Variants in FEZF1 observed in about 807,000 individuals in gnomAD.
FEZF1 encodes the protein fez family zinc finger protein 1.
Under a neutral mutation model 32.4 loss-of-function variants are expected in FEZF1, and 8 were observed. That is an observed-to-expected ratio of 0.25 (90% confidence interval 0.15 to 0.45). FEZF1 has a LOEUF of 0.45. Ranked by LOEUF, FEZF1 falls within the 20% of genes least tolerant of loss-of-function variation. FEZF1 has a pLI of 1.00. For synonymous variants in FEZF1, 259 were observed against 265.2 expected (o/e 0.98, Z 0.23); for missense variants, 546 against 622.3 (o/e 0.88, Z 1.31).
intron 2 of FEZF1, 28 bp downstream of exon 2, chr7:122,303,149 T>C (rs1388524447): frequency 6.2e-7 from 1 of 1,613,642 alleles, no homozygotes; most frequent in African/African-American, 1.3e-5. Flanking sequence ...GGAAGCAAAC[T>C]AGGTGAAATT....
At position 122,301,701 on chromosome 7, in the gene FEZF1, A is replaced by T; in HGVS notation, c.*296T>A. On this transcript the variant is annotated 3_prime_UTR_variant, in exon 4 of 4. Transcript: ENST00000442488. ...AAAACAAAATAAACACCATCTCTCCACCCAAGATGAAAAGTCTTTCCAAAT... is the reference window on the plus strand; with the variant it reads ...AAAACAAAATAAACACCATCTCTCCTCCCAAGATGAAAAGTCTTTCCAAAT... The T allele has an allele frequency of 2.8e-6, 1 of 360,510 alleles. No homozygotes were observed. Among genetic ancestry groups the T allele is most frequent in the Non-Finnish European group, 4.9e-6 (1 of 204,706 alleles). The allele number at this position is 360,510 out of a possible 1,614,324, so 22.3% of individuals were successfully genotyped here. A position where few individuals can be genotyped will look rare whatever the true frequency, so the allele number is the denominator to read the frequency against.
In FEZF1 at chr7:122,304,443, A is replaced by C; in HGVS notation, c.-6T>G. ...TTGTGGCAGCTACTGTCCATGTCTG[A>C]GTCGCCAGCGTCCGTCAGCCGGGGC... On this transcript the variant is annotated 5_prime_UTR_variant, in exon 1 of 4. Transcript: ENST00000442488. The C allele has an allele frequency of 2.6e-6, 4 of 1,523,966 alleles. No homozygotes were observed. The highest frequency in any genetic ancestry group is 2.3e-5 in the East Asian group (1 of 42,756). The allele number at this position is 1,523,966 out of a possible 1,614,324, so 94.4% of individuals were successfully genotyped here. A position where few individuals can be genotyped will look rare whatever the true frequency, so the allele number is the denominator to read the frequency against.
rs778154305 is a variant in FEZF1, at chr7:122,302,918, T to A, written c.950A>T (p.Lys317Ile). ...AAATGCTTTGCCACACTGGTTACATTTGTGAGGTTTTTCCTAAGCAGGAGA... is the reference window on the plus strand; with the variant it reads ...AAATGCTTTGCCACACTGGTTACATATGTGAGGTTTTTCCTAAGCAGGAGA... Reference protein sequence around the residue: ...KIIHTQEKPHKCNQCGKAFNR... With the variant: ...KIIHTQEKPHICNQCGKAFNR... The change falls in exon 3 of 4, where the codon AAA (lysine) becomes ATA (isoleucine). Residue 317 changes from lysine (K) to isoleucine (I), a missense_variant. Lys to Ile is a moderately radical substitution (Grantham distance 102, BLOSUM62 -3). Around this residue, in one of 3 missense-constraint regions of FEZF1, gnomAD observed 118 missense variants for 188.7 expected, o/e 0.63. Transcript: ENST00000442488. The surrounding 1 kb of genome is among the most constrained non-coding windows in gnomAD (Gnocchi z 4.4). 26 of 1,608,884 alleles carry A rather than the reference T, an allele frequency of 1.6e-5. No homozygotes were observed. Among genetic ancestry groups the A allele is most frequent in the Non-Finnish European group, 2.2e-5 (26 of 1,177,568 alleles).
In FEZF1 at chr7:122,304,035, C is replaced by T. The variant is rs1285163919; in HGVS notation, c.403G>A (p.Ala135Thr). ...AGCTTGTACTGCTGCAGCGGCAGCG[C>T]GTCGCGGGCCAGGTCGCCCTTGAGA... ...LSLKGDLARD[A>T]LPLQQYKLVR... The change falls in exon 1 of 4, where the codon GCG becomes ACG. Residue 135 changes from alanine (A) to threonine (T), a missense_variant. By Grantham distance (58) the Ala-to-Thr change is moderately conservative. Around this residue, in one of 3 missense-constraint regions of FEZF1, gnomAD observed 345 missense variants for 360.6 expected, o/e 0.96. Transcript: ENST00000442488. The T allele has an allele frequency of 6.4e-7, 1 of 1,559,374 alleles. No individual in the cohort carries two copies. Among genetic ancestry groups the T allele is most frequent in the Non-Finnish European group, 8.7e-7 (1 of 1,153,960 alleles).
chr7:122,304,548 GCCTCCT>G lies in FEZF1; in HGVS notation c.-117_-112del, dbSNP rs1025876205. The G allele has an allele frequency of 1.8e-5, 15 of 846,910 alleles. No individual in the cohort carries two copies. The highest frequency in any genetic ancestry group is 2.5e-5 in the South Asian group (1 of 40,362). 52.5% of individuals were successfully genotyped at this position (846,910 alleles called of 1,614,324 possible). On this transcript the variant is annotated 5_prime_UTR_variant, in exon 1 of 4. Transcript: ENST00000442488. ...GGGACGGGCACCATCACCACCAGTA[GCCTCCT>G]CCTCCTCCTCCTCCCCAGCATCACC...
At position 122,304,145 on chromosome 7, in the gene FEZF1, G is replaced by C. The variant is rs1000106128; in HGVS notation, c.293C>G (p.Ala98Gly). Residue 98 changes from alanine (A) to glycine (G), a missense_variant, in exon 1 of 4, where the codon GCC becomes GGC. By Grantham distance (60) the Ala-to-Gly change is moderately conservative (BLOSUM62 0). Coordinates refer to ENST00000442488, the MANE Select transcript of FEZF1 (RefSeq NM_001024613.4). Reference protein sequence around the residue: ...AGVTGSEPRKASLEAPAAPAA... With the variant: ...AGVTGSEPRKGSLEAPAAPAA... ...GGGCGCCGCCGGGGCCTCCAGACTG[G>C]CCTTCCGCGGCTCGGAGCCCGTCAC... 1 of 1,602,710 alleles carries C rather than the reference G, an allele frequency of 6.2e-7. No individual in the cohort carries two copies. The highest frequency in any genetic ancestry group is 8.5e-7 in the Non-Finnish European group (1 of 1,173,322).
chr7:122,304,127 G>T lies in FEZF1; in HGVS notation c.311C>A (p.Ala104Glu), dbSNP rs1477599040. 3 of 1,598,536 alleles carry T rather than the reference G, an allele frequency of 1.9e-6. No individual in the cohort carries two copies. Among genetic ancestry groups the T allele is most frequent in the African/African-American group, 1.3e-5 (1 of 74,700 alleles). ...AGCCGAGGGCACCGCCGCGGGCGCC[G>T]CCGGGGCCTCCAGACTGGCCTTCCG... ...EPRKASLEAP[A>E]APAAVPSAPA... Residue 104 changes from alanine (A) to glutamate (E), a missense_variant, in exon 1 of 4, where the codon GCG becomes GAG. Coordinates refer to ENST00000442488, the MANE Select transcript of FEZF1 (RefSeq NM_001024613.4).
Position 122,302,106 on chromosome 7 carries a change from T to G in FEZF1, c.1319A>C (p.Glu440Ala). 1 of 1,612,924 alleles carries G rather than the reference T, an allele frequency of 6.2e-7. No homozygotes were observed. The highest frequency in any genetic ancestry group is 8.5e-7 in the Non-Finnish European group (1 of 1,179,730). The change falls in exon 4 of 4, where the codon GAA (glutamate) becomes GCA (alanine). Residue 440 changes from glutamate (E) to alanine (A), a missense_variant. By Grantham distance (107) the Glu-to-Ala change is moderately radical. Coordinates refer to ENST00000442488, the MANE Select transcript of FEZF1 (RefSeq NM_001024613.4). This position sits in a 1 kb window ranked among gnomAD's most constrained non-coding sequence, Gnocchi z 4.4. ...CTGCTGCGGTAGCGGGGGCGGCGGT[T>G]CAGTGCCTGGTTCGCCAGCTGGCGT... is the stretch of plus-strand genomic sequence containing the variant. ...ARTPAGEPGTEPPPPLPQQPP... is the reference protein window; with the variant it reads ...ARTPAGEPGTAPPPPLPQQPP...
upstream of FEZF1, among the ~76,000 whole-genome samples, chr7:122,307,707 A>T (rs551156525): frequency 5.2e-5 from 8 of 152,388 alleles, no homozygotes; most frequent in Admixed American, 1.3e-4. Context: ...GTGTTTGAAA[A>T]TGTCATTTGA....
rs777111886 is a variant in FEZF1 at position 122,301,951 on chromosome 7, C to T, written c.*46G>A. The T allele has an allele frequency of 7.8e-6, 12 of 1,541,978 alleles. No individual in the cohort carries two copies. The highest frequency in any genetic ancestry group is 1.4e-5 in the African/African-American group (1 of 71,846). On this transcript the variant is annotated 3_prime_UTR_variant, in exon 4 of 4. Transcript: ENST00000442488. ...ACCAGGAGCTCTAGTCTGCCGCTGCCTCAGCGTGGGGGCACGGCTGAGGCT... is the reference window on the plus strand; with the variant it reads ...ACCAGGAGCTCTAGTCTGCCGCTGCTTCAGCGTGGGGGCACGGCTGAGGCT...
upstream of FEZF1, chr7:122,308,634 T>C (rs1563045328): frequency 2.0e-5 from 3 of 152,204 alleles, no homozygotes; most frequent in Non-Finnish European, 4.4e-5. Context: ...TGTCACAAAA[T>C]ACTATTGATT....
chr7:122,307,679 G>A (rs2031322456), upstream of FEZF1, among the ~76,000 whole-genome samples: 2 of 152,242 alleles, frequency 1.3e-5, no homozygotes, highest in South Asian at 4.1e-4. Flanking sequence ...GTCTTTTCAG[G>A]ATTTGCCCTT....
rs1304844200 is a variant in FEZF1 at position 122,301,456 on chromosome 7, A to G, written c.*541T>C. ...GTGTGTGCTCACGAATGTGGAATGT[A>G]CCCCTATGGGCGCACACATCTATGC... On this transcript the variant is annotated 3_prime_UTR_variant, in exon 4 of 4. Coordinates refer to ENST00000442488, the MANE Select transcript of FEZF1 (RefSeq NM_001024613.4). The G allele has an allele frequency of 6.6e-6, 1 of 152,404 alleles. No homozygotes were observed. Among genetic ancestry groups the G allele is most frequent in the Non-Finnish European group, 1.5e-5 (1 of 68,170 alleles). The allele number at this position is 152,404 out of a possible 1,614,324, so 9.4% of individuals were successfully genotyped here.
In FEZF1 at chr7:122,304,496, C is replaced by A; in HGVS notation, c.-59G>T. On this transcript the variant is annotated 5_prime_UTR_variant, in exon 1 of 4. Transcript: ENST00000442488. ...GGTTGCGCCGTCCGTTGCCTTGTTC[C>A]CTGCTTGTCACAGACCTGCGGAGAG... The A allele has an allele frequency of 9.0e-6, 13 of 1,442,978 alleles. No individual in the cohort carries two copies. The highest frequency in any genetic ancestry group is 1.2e-5 in the Non-Finnish European group (13 of 1,073,006). The allele number at this position is 1,442,978 out of a possible 1,614,324, so 89.4% of individuals were successfully genotyped here.
rs765075612 is a variant in FEZF1, at chr7:122,304,219, G to T, written c.219C>A (p.Cys73Ter). The T allele has an allele frequency of 6.3e-7, 1 of 1,596,732 alleles. No individual in the cohort carries two copies. The highest frequency in any genetic ancestry group is 8.6e-7 in the Non-Finnish European group (1 of 1,169,360). Residue 73 changes from cysteine to a stop codon, truncating the protein, a stop_gained, in exon 1 of 4, where the codon TGC becomes TGA. Coordinates refer to ENST00000442488, the MANE Select transcript of FEZF1 (RefSeq NM_001024613.4). LOFTEE classifies it high-confidence loss of function. Reference sequence around the variant, plus strand: ...AGGCCACAGGCACGAAGGGGATCATGCAGGGGATCGACGAGTTGAGATGCA... The same window carrying T: ...AGGCCACAGGCACGAAGGGGATCATTCAGGGGATCGACGAGTTGAGATGCA... ...HSLHLNSSIP[C>*]MIPFVPVAYD...
At chr7:122,308,621 A>G (rs2031344858), upstream of FEZF1, 1 of 152,262 alleles carries the variant, frequency 6.6e-6, no homozygotes, top group South Asian at 2.1e-4. Context: ...TTATTCCTTG[A>G]TATGTCACAA....
At chr7:122,305,964 C>A (rs921162480), upstream of FEZF1, 2 of 152,276 alleles carry the variant, frequency 1.3e-5, no homozygotes, top group African/African-American at 4.8e-5. Context: ...TCCGGGAAGA[C>A]GCCTACGGCT....
chr7:122,301,315 A>G lies in FEZF1; in HGVS notation c.*682T>C, dbSNP rs2031022656. ...CAGAGCCCTAAAGTTTGTTGATTAAATAAGCATGTTCCAAGTATTTATTTC... is the reference window on the plus strand; with the variant it reads ...CAGAGCCCTAAAGTTTGTTGATTAAGTAAGCATGTTCCAAGTATTTATTTC... On this transcript the variant is annotated 3_prime_UTR_variant, in exon 4 of 4. Transcript: ENST00000442488. 6.6e-6 allele frequency: 1 copy of G among 152,250 alleles called. No homozygotes were observed. Among genetic ancestry groups the G allele is most frequent in the African/African-American group, 2.4e-5 (1 of 41,468 alleles). 9.4% of individuals were successfully genotyped at this position (152,250 alleles called of 1,614,324 possible). A position where few individuals can be genotyped will look rare whatever the true frequency, so the allele number is the denominator to read the frequency against.
In FEZF1 at chr7:122,301,698, T is replaced by TCCA. The variant is rs2031037718; in HGVS notation, c.*296_*298dup. The TCCA allele has an allele frequency of 2.8e-6, 1 of 355,952 alleles. No homozygotes were observed. Among genetic ancestry groups the TCCA allele is most frequent in the Non-Finnish European group, 4.9e-6 (1 of 202,232 alleles). The allele number at this position is 355,952 out of a possible 1,614,324, so 22.0% of individuals were successfully genotyped here. On this transcript the variant is annotated 3_prime_UTR_variant, in exon 4 of 4. Coordinates refer to ENST00000442488, the MANE Select transcript of FEZF1 (RefSeq NM_001024613.4). ...AACAAAACAAAATAAACACCATCTCTCCACCCAAGATGAAAAGTCTTTCCA... is the reference window on the plus strand; with the variant it reads ...AACAAAACAAAATAAACACCATCTCTCCACCACCCAAGATGAAAAGTCTTTCCA...
Sources: allele counts gnomAD v4.1 joint callset (sites outside exome capture counted in the v4.1 genomes callset), GRCh38; gene constraint gnomAD v4.1.1; regional missense constraint gnomAD v4.1.1; non-coding constraint Gnocchi (gnomAD v3.1); transcripts MANE v1.5; gene names NCBI Gene and HGNC (gene_info 2026-07-23, HGNC 2026-07-21).